PSAT1: variants seen among roughly 807,000 people sequenced by gnomAD.
PSAT1 encodes the protein phosphoserine aminotransferase.
A neutral mutation model predicts 40.3 loss-of-function variants in PSAT1; 41 were observed. That is an observed-to-expected ratio of 1.02 (90% confidence interval 0.79 to 1.32). The LOEUF is 1.32. Among genes scored for constraint, PSAT1 ranks in the 40% most tolerant of loss-of-function variants. The pLI, the probability that PSAT1 is intolerant of heterozygous loss-of-function variation, is 0.00. For synonymous variants in PSAT1, 147 were observed against 170.5 expected (o/e 0.86, Z 1.07); for missense variants, 406 against 455.8 (o/e 0.89, Z 0.99).
At chr9:78,326,853 C>T (rs1828503851) in intron 7 of PSAT1, among the ~76,000 whole-genome samples, 1 of 150,246 alleles carries the variant, frequency 6.7e-6, no homozygotes, top group African/African-American at 2.5e-5. Context: ...ACAGTGGTTT[C>T]ACATATCTGG....
chr9:78,299,712 C>G (rs1380363784), intron 1 of PSAT1, among the ~76,000 whole-genome samples: 2 of 151,986 alleles, frequency 1.3e-5, no homozygotes, highest in Admixed American at 1.3e-4. Context: ...GGGGTTTCAC[C>G]ATGTTGGCCA....
rs3824360 is a variant in PSAT1, at chr9:78,300,476, G to A, written c.61-126G>A. 0.17 allele frequency: 204,849 copies of A among 1,209,518 alleles called. 18,541 individuals carry two copies. Among genetic ancestry groups the A allele is most frequent in the East Asian group, 0.21 (7,168 of 33,748 alleles). The allele number at this position is 1,209,518 out of a possible 1,614,324, so 74.9% of individuals were successfully genotyped here. A position where few individuals can be genotyped will look rare whatever the true frequency, so the allele number is the denominator to read the frequency against. ...TGGGAAGGAAGGAGACTGGCTGTGG[G>A]TGGGGATGGAAGCCTGGGGACCTCA... is the stretch of plus-strand genomic sequence containing the variant. On this transcript the variant is annotated intron_variant, in intron 1 of 8. Transcript: ENST00000376588.
chr9:78,322,894 T>C (rs1828449758), intron 7 of PSAT1, among the ~76,000 whole-genome samples: 2 of 152,248 alleles, frequency 1.3e-5, no homozygotes, highest in African/African-American at 4.8e-5. Context: ...AGCAAGGGCA[T>C]GCACTTTTGG....
intron 3 of PSAT1, 39 bp from the exon 4 acceptor site, chr9:78,304,696 T>A: frequency 6.4e-7 from 1 of 1,553,458 alleles, no homozygotes; most frequent in East Asian, 2.2e-5. Context: ...TTTGACCACA[T>A]GAGTTTATGT....
At chr9:78,310,975 A>G (rs936295864) in intron 6 of PSAT1, among the ~76,000 whole-genome samples, 2 of 152,204 alleles carry the variant, frequency 1.3e-5, no homozygotes, top group African/African-American at 4.8e-5. Flanking sequence ...GCAGAGCAGC[A>G]GCTCCTCACA....
chr9:78,316,583 G>C (rs1828347596), intron 6 of PSAT1, among the ~76,000 whole-genome samples: 1 of 152,198 alleles, frequency 6.6e-6, no homozygotes, highest in Non-Finnish European at 1.5e-5. Flanking sequence ...GCCGAACTCT[G>C]AGACCAGGGA....
intron 1 of PSAT1, among the ~76,000 whole-genome samples, chr9:78,297,659 C>A (rs926790032): frequency 6.6e-6 from 1 of 152,208 alleles, no homozygotes; most frequent in African/African-American, 2.4e-5. Context: ...GCCTTCGCCT[C>A]GCGCAGCTGT....
chr9:78,307,370 A>G (rs1007429088), intron 5 of PSAT1, among the ~76,000 whole-genome samples: 2 of 152,232 alleles, frequency 1.3e-5, no homozygotes, highest in African/African-American at 4.8e-5. Context: ...GAATGTCTTC[A>G]AGGTTCGTCC....
At chr9:78,299,870 G>T (rs915221874) in intron 1 of PSAT1, among the ~76,000 whole-genome samples, 1 of 151,944 alleles carries the variant, frequency 6.6e-6, no homozygotes, top group Non-Finnish European at 1.5e-5. Flanking sequence ...TCCAGTTTAG[G>T]TTATAGCTGT....
Position 78,317,816 on chromosome 9 carries a change from G to C in PSAT1, c.869+12G>C, listed in dbSNP as rs751372237. The C allele has an allele frequency of 2.5e-5, 41 of 1,611,388 alleles. No homozygotes were observed. The East Asian group carries it at 8.9e-4, about 35-fold the overall frequency. On this transcript the variant is annotated intron_variant, in intron 7 of 8. Transcript: ENST00000376588. ...CAAGGATTCTACGTGTAAGTCAATG[G>C]ATTTTATCTCCTATTTTGCCTCTTG...
chr9:78,304,963 G>A (rs368743037), intron 4 of PSAT1, 23 bp downstream of exon 4: 311 of 1,609,222 alleles, frequency 1.9e-4, no homozygotes, highest in Admixed American at 2.5e-4. Flanking sequence ...AGCTGAGCTG[G>A]GTGGTGACGT....
At chr9:78,302,733 C>G (rs1187718437) in intron 3 of PSAT1, among the ~76,000 whole-genome samples, 1 of 104,246 alleles carries the variant, frequency 9.6e-6, no homozygotes, top group Non-Finnish European at 1.9e-5. Context: ...GACTCCGTCT[C>G]AAAAAAAAAA....
At chr9:78,326,955 A>ATATATTTTTTTT in intron 7 of PSAT1, among the ~76,000 whole-genome samples, 123 of 75,914 alleles carry the variant, frequency 1.6e-3, no homozygotes, top group African/African-American at 7.0e-3. Context: ...ATATATATAT[A>ATATATTTTTTTT]TTTTTTTTTT....
Position 78,312,756 on chromosome 9 carries a change from G to T in PSAT1, c.740+4173G>T, listed in dbSNP as rs961420716. 3.3e-5 allele frequency among the ~76,000 whole-genome samples: 5 copies of T among 152,224 alleles called. No individual in the cohort carries two copies. The East Asian group carries it at 9.7e-4, about 29-fold the overall frequency. The stretch of plus-strand genomic sequence containing the variant: ...GGGAGCATGCAAATTAAGTTTGTGG[G>T]CCTGTTTGGAAGGCTTCACTGGTCC... On this transcript the variant is annotated intron_variant, in intron 6 of 8. Transcript: ENST00000376588.
intron 6 of PSAT1, among the ~76,000 whole-genome samples, chr9:78,314,528 G>A (rs1041848604): frequency 1.3e-5 from 2 of 152,108 alleles, no homozygotes; most frequent in Admixed American, 6.5e-5. Context: ...TGGGAGGGGA[G>A]GCAGGACCTC....
intron 7 of PSAT1, 26 bp from the exon 8 acceptor site, chr9:78,328,025 G>C (rs1362919764): frequency 2.5e-6 from 4 of 1,605,834 alleles, no homozygotes; most frequent in Non-Finnish European, 3.4e-6. Flanking sequence ...CAGAAAAGTA[G>C]CTGGAATAAT....
rs772427307 is a variant in PSAT1 at position 78,304,803 on chromosome 9, C to T, written c.260C>T (p.Pro87Leu). The T allele has an allele frequency of 5.6e-6, 9 of 1,614,170 alleles. No individual in the cohort carries two copies. In the South Asian group the frequency reaches 9.9e-5, roughly 18 times the overall value. ...GGGTGCGGCCAGTTCAGTGCTGTCC[C>T]CTTAAACCTCATTGGCTTGAAAGCA... is the stretch of plus-strand genomic sequence containing the variant. ...GGGCGQFSAV[P>L]LNLIGLKAGR... Residue 87 changes from proline (P) to leucine (L), a missense_variant, in exon 4 of 9, where the codon CCC becomes CTC. Transcript: ENST00000376588.
Position 78,304,821 on chromosome 9 carries a change from T to G in PSAT1, c.278T>G (p.Leu93Trp). 1 of 1,614,198 alleles carries G rather than the reference T, an allele frequency of 6.2e-7. No individual in the cohort carries two copies. Among genetic ancestry groups the G allele is most frequent in the Non-Finnish European group, 8.5e-7 (1 of 1,180,036 alleles). Residue 93 changes from leucine (L) to tryptophan (W), a missense_variant, in exon 4 of 9, where the codon TTG (leucine) becomes TGG (tryptophan). Physicochemically the swap from Leu to Trp is moderately conservative, Grantham distance 61. Transcript: ENST00000376588. The stretch of plus-strand genomic sequence containing the variant: ...GCTGTCCCCTTAAACCTCATTGGCT[T>G]GAAAGCAGGAAGGTGTGCTGACTAT... ...FSAVPLNLIGLKAGRCADYVV... is the reference protein window; with the variant it reads ...FSAVPLNLIGWKAGRCADYVV...
chr9:78,319,790 CA>C (rs905173596), intron 7 of PSAT1, among the ~76,000 whole-genome samples: 4 of 152,112 alleles, frequency 2.6e-5, no homozygotes, highest in African/African-American at 9.7e-5. Context: ...ATCATCCCCG[CA>C]AAGGCACTGA....
Sources: gnomAD v4.1 joint callset for allele counts (sites outside exome capture counted in the v4.1 genomes callset) on GRCh38, gnomAD v4.1.1 for gene constraint, MANE v1.5 for transcripts, NCBI Gene and HGNC (gene_info 2026-07-23, HGNC 2026-07-21) for gene names.